Variants in SLC38A9 observed in about 807,000 individuals in gnomAD.
The protein encoded by SLC38A9 is solute carrier family 38 member 9, also known as neutral amino acid transporter 9.
Under a neutral mutation model 62.3 loss-of-function variants are expected in SLC38A9, and 48 were observed. The ratio of observed to expected loss-of-function variants is 0.77; its 90% CI spans 0.61 to 0.98. The LOEUF (loss-of-function observed/expected upper bound fraction) is 0.98. Among genes scored for constraint, SLC38A9 ranks in the 50% least tolerant of loss-of-function variants. The pLI, the probability that SLC38A9 is intolerant of heterozygous loss-of-function variation, is 0.00. For synonymous variants in SLC38A9, 204 were observed against 227.7 expected (o/e 0.90, Z 0.94); for missense variants, 541 against 679.8 (o/e 0.80, Z 2.27).
chr5:55,709,927 G>C (rs1757778604), intron 2 of SLC38A9, among the ~76,000 whole-genome samples: 1 of 151,472 alleles, frequency 6.6e-6, no homozygotes, highest in South Asian at 2.1e-4. Flanking sequence ...AAATTAGCCG[G>C]GTATGGTGGC....
At position 55,692,692 on chromosome 5, in the gene SLC38A9, T is replaced by G. The variant is rs553743285; in HGVS notation, c.113+5154A>C. 1.3e-4 allele frequency: 124 copies of G among 985,268 alleles called. 1 individual carries two copies. In the South Asian group the frequency reaches 5.0e-3, roughly 40 times the overall value. The allele number at this position is 985,268 out of a possible 1,614,324, so 61.0% of individuals were successfully genotyped here. A position where few individuals can be genotyped will look rare whatever the true frequency, so the allele number is the denominator to read the frequency against. On this transcript the variant is annotated intron_variant, in intron 3 of 15. Coordinates refer to ENST00000396865, the MANE Select transcript of SLC38A9 (RefSeq NM_173514.4). ...ATTTAATCTACGCAGTTAAACAAATTTACAGAGAACTGTTTGAACTCCTGC... is the reference window on the plus strand; with the variant it reads ...ATTTAATCTACGCAGTTAAACAAATGTACAGAGAACTGTTTGAACTCCTGC...
chr5:55,690,596 C>T (rs1258875372), intron 3 of SLC38A9, among the ~76,000 whole-genome samples: 1 of 152,194 alleles, frequency 6.6e-6, no homozygotes, highest in African/African-American at 2.4e-5. Flanking sequence ...ACCACCCCTC[C>T]TGGGAAAACT....
intron 2 of SLC38A9, among the ~76,000 whole-genome samples, chr5:55,703,098 C>T (rs7710641): frequency 6.6e-6 from 1 of 151,802 alleles, no homozygotes; most frequent in Non-Finnish European, 1.5e-5. Context: ...AAACTCTGAA[C>T]AATATATTCA....
intron 12 of SLC38A9, among the ~76,000 whole-genome samples, chr5:55,637,365 G>A (rs889322433): frequency 2.0e-5 from 3 of 152,178 alleles, no homozygotes; most frequent in African/African-American, 7.2e-5. Flanking sequence ...TGTTCTCACG[G>A]CACTATATAC....
At chr5:55,651,652 G>GA (rs894029203) in intron 10 of SLC38A9, among the ~76,000 whole-genome samples, 7 of 151,578 alleles carry the variant, frequency 4.6e-5, no homozygotes, top group African/African-American at 1.2e-4. Flanking sequence ...AGCGTTCTAA[G>GA]AAAAAAAAGC....
chr5:55,681,986 T>C (rs1753077255), intron 3 of SLC38A9, among the ~76,000 whole-genome samples: 1 of 152,136 alleles, frequency 6.6e-6, no homozygotes, highest in Non-Finnish European at 1.5e-5. Flanking sequence ...GTGTCCTTTA[T>C]AGAAAAAAAT....
At chr5:55,648,404 T>C (rs1033152078) in intron 11 of SLC38A9, among the ~76,000 whole-genome samples, 5 of 152,234 alleles carry the variant, frequency 3.3e-5, no homozygotes, top group African/African-American at 9.6e-5. Context: ...ATTTACACCA[T>C]GATTATTACA....
intron 3 of SLC38A9, among the ~76,000 whole-genome samples, chr5:55,688,735 T>C (rs567715884): frequency 7.4e-4 from 112 of 151,980 alleles, no homozygotes; most frequent in Non-Finnish European, 1.4e-3. Flanking sequence ...CTAGCCTTAA[T>C]AAAATAGAAA....
At chr5:55,647,589 T>A (rs1181360443) in intron 11 of SLC38A9, among the ~76,000 whole-genome samples, 1 of 152,242 alleles carries the variant, frequency 6.6e-6, no homozygotes, top group African/African-American at 2.4e-5. Flanking sequence ...TTCCTGTCTC[T>A]CAGAGTAATC....
At chr5:55,703,812 T>C (rs1235263751) in intron 2 of SLC38A9, among the ~76,000 whole-genome samples, 2 of 152,194 alleles carry the variant, frequency 1.3e-5, no homozygotes, top group African/African-American at 4.8e-5. Flanking sequence ...AATTGACTAA[T>C]TAACTTGAAA....
chr5:55,695,273 C>CTT lies in SLC38A9; in HGVS notation c.113+2571_113+2572dup, dbSNP rs67408828. Among the ~76,000 whole-genome samples the CTT allele has an allele frequency of 4.3e-3, 598 of 140,030 alleles. 6 individuals carry two copies. The highest frequency in any genetic ancestry group is 0.012 in the African/African-American group (465 of 37,958). The allele number at this position is 140,030 out of a possible 152,430, so 91.9% of individuals were successfully genotyped here. The stretch of plus-strand genomic sequence containing the variant: ...TTACACATTCATGTTAAGACCATTT[C>CTT]TTTTTTTTTTTTTATTGATCATTCT... On this transcript the variant is annotated intron_variant, in intron 3 of 15. Coordinates refer to ENST00000396865, the MANE Select transcript of SLC38A9 (RefSeq NM_173514.4).
intron 3 of SLC38A9, among the ~76,000 whole-genome samples, chr5:55,674,245 G>A (rs1466800763): frequency 1.3e-5 from 2 of 152,148 alleles, no homozygotes; most frequent in African/African-American, 4.8e-5. Context: ...TGTAAATAGA[G>A]CACTTATAGA....
intron 12 of SLC38A9, among the ~76,000 whole-genome samples, chr5:55,644,492 C>T (rs368626387): frequency 2.0e-5 from 3 of 152,016 alleles, no homozygotes; most frequent in African/African-American, 4.8e-5. Flanking sequence ...GTGGCTATCT[C>T]GGCTCACTGC....
At chr5:55,658,731 T>C (rs1748926242) in intron 8 of SLC38A9, among the ~76,000 whole-genome samples, 2 of 152,190 alleles carry the variant, frequency 1.3e-5, no homozygotes, top group South Asian at 4.1e-4. Flanking sequence ...AATTTGTTAC[T>C]GCACCCTTGG....
At chr5:55,657,206 T>C (rs576672186) in intron 8 of SLC38A9, among the ~76,000 whole-genome samples, 83 of 152,340 alleles carry the variant, frequency 5.4e-4, no homozygotes, top group Admixed American at 1.3e-3. Flanking sequence ...ACTTCACTGT[T>C]AACATAGCTT....
At chr5:55,670,248 G>A (rs183172585) in intron 4 of SLC38A9, among the ~76,000 whole-genome samples, 8 of 152,106 alleles carry the variant, frequency 5.3e-5, no homozygotes, top group Admixed American at 1.3e-4. Flanking sequence ...GATTACAGGC[G>A]TAAGCCACCA....
intron 2 of SLC38A9, among the ~76,000 whole-genome samples, chr5:55,710,665 G>A (rs1372648219): frequency 2.0e-5 from 3 of 151,868 alleles, no homozygotes; most frequent in Non-Finnish European, 4.4e-5. Flanking sequence ...CACCAGGCTG[G>A]AGTGCGGTGG....
At chr5:55,650,357 T>A (rs893674660) in intron 10 of SLC38A9, among the ~76,000 whole-genome samples, 2 of 152,280 alleles carry the variant, frequency 1.3e-5, no homozygotes, top group South Asian at 2.1e-4. Flanking sequence ...ATTCCTCTAA[T>A]GAAGCTATGG....
intron 8 of SLC38A9, chr5:55,658,176 AT>A: frequency 1.2e-5 from 1 of 85,596 alleles, no homozygotes; most frequent in Non-Finnish European, 2.8e-5. Context: ...TTTTATTTTA[AT>A]TTTTTTGAGA....
Sources: gnomAD v4.1 joint callset for allele counts (sites outside exome capture counted in the v4.1 genomes callset) on GRCh38, gnomAD v4.1.1 for gene constraint, MANE v1.5 for transcripts, NCBI Gene and HGNC (gene_info 2026-07-23, HGNC 2026-07-21) for gene names.